PTPRO: variants seen among roughly 807,000 people sequenced by gnomAD.
PTPRO encodes the protein protein tyrosine phosphatase receptor type O.
PTPRO carries 62 observed loss-of-function variants against 145.2 expected under a neutral mutation model. The observed-to-expected ratio is 0.43, with a 90% CI of 0.35 to 0.53. PTPRO has a LOEUF of 0.53. PTPRO is among the 20% of genes least tolerant of loss of function. The pLI is 0.01. For synonymous variants in PTPRO, 565 were observed against 514.7 expected (o/e 1.10, Z -1.32); for missense variants, 1,345 against 1,482.7 (o/e 0.91, Z 1.53).
chr12:15,394,813 T>G (rs1055381554), intron 1 of PTPRO, among the ~76,000 whole-genome samples: 1 of 152,182 alleles, frequency 6.6e-6, no homozygotes, highest in African/African-American at 2.4e-5. Flanking sequence ...TATATTTAGG[T>G]ACCTAGGGAA....
At chr12:15,428,179 T>C (rs1036674966) in intron 1 of PTPRO, among the ~76,000 whole-genome samples, 1 of 152,126 alleles carries the variant, frequency 6.6e-6, no homozygotes, top group African/African-American at 2.4e-5. Flanking sequence ...TTTAAGTGCT[T>C]TGGCAAAGGA....
chr12:15,502,058 G>A lies in PTPRO; in HGVS notation c.1100G>A (p.Arg367Gln), dbSNP rs1396548432. The change falls in exon 5 of 27, where the codon CGA (arginine) becomes CAA (glutamine). Residue 367 changes from arginine to glutamine, a missense_variant. Physicochemically the swap from Arg to Gln is conservative, Grantham distance 43 (BLOSUM62 1). Around this residue, in one of 3 missense-constraint regions of PTPRO, gnomAD observed 1,130 missense variants for 1,214.7 expected, o/e 0.93. Transcript: ENST00000281171. ...GATGGGTTCCATATCCATATTGAAC[G>A]AGAAGGTAAAGCAGTAGGAAATCAG... is the stretch of plus-strand genomic sequence containing the variant. ...AFDGFHIHIE[R>Q]EENFTEYLMV... The A allele has an allele frequency of 1.9e-6, 3 of 1,608,374 alleles. No individual in the cohort carries two copies. Among genetic ancestry groups the A allele is most frequent in the South Asian group, 1.1e-5 (1 of 90,902 alleles).
At chr12:15,449,854 A>T (rs547835303) in intron 1 of PTPRO, among the ~76,000 whole-genome samples, 95 of 152,324 alleles carry the variant, frequency 6.2e-4, no homozygotes, top group Non-Finnish European at 1.2e-3. Flanking sequence ...GTCTAAAATT[A>T]TCCTAAAATA....
chr12:15,326,712 T>C (rs920008088), intron 1 of PTPRO, among the ~76,000 whole-genome samples: 28 of 152,228 alleles, frequency 1.8e-4, no homozygotes, highest in Admixed American at 9.2e-4. Context: ...ATACAGTTGA[T>C]GCACTTAAGT....
chr12:15,432,295 C>CCTCCAG (rs1353477479), intron 1 of PTPRO, among the ~76,000 whole-genome samples: 7 of 152,278 alleles, frequency 4.6e-5, no homozygotes, highest in Non-Finnish European at 8.8e-5. Flanking sequence ...AGGATAATGG[C>CCTCCAG]CTCCAGCTCC....
chr12:15,462,977 G>A (rs1401996946), intron 1 of PTPRO, among the ~76,000 whole-genome samples: 1 of 151,946 alleles, frequency 6.6e-6, no homozygotes, highest in East Asian at 1.9e-4. Flanking sequence ...GAATCATATT[G>A]TTATATACTA....
At chr12:15,409,065 AATT>A (rs1939724126) in intron 1 of PTPRO, among the ~76,000 whole-genome samples, 1 of 151,952 alleles carries the variant, frequency 6.6e-6, no homozygotes, top group African/African-American at 2.4e-5. Context: ...ATTATCCTAT[AATT>A]ATTATGTTTA....
At chr12:15,587,512 A>G (rs1209854231) in intron 24 of PTPRO, among the ~76,000 whole-genome samples, 2 of 152,240 alleles carry the variant, frequency 1.3e-5, no homozygotes, top group African/African-American at 4.8e-5. Flanking sequence ...AAACTAGAAA[A>G]GGAAAAGAAA....
rs1159563571 is a variant in PTPRO at position 15,322,772 on chromosome 12, C to T, written c.46C>T (p.Pro16Ser). 8.1e-6 allele frequency: 13 copies of T among 1,612,838 alleles called. No homozygotes were observed. The highest frequency in any genetic ancestry group is 4.5e-5 in the East Asian group (2 of 44,856). Residue 16 changes from proline to serine, a missense_variant, in exon 1 of 27, where the codon CCT (proline) becomes TCT (serine). Physicochemically the swap from Pro to Ser is moderately conservative, Grantham distance 74. Around this residue, in one of 3 missense-constraint regions of PTPRO, gnomAD observed 1,130 missense variants for 1,214.7 expected, o/e 0.93. Coordinates refer to ENST00000281171, the MANE Select transcript of PTPRO (RefSeq NM_030667.3). The surrounding 1 kb of genome is among the most constrained non-coding windows in gnomAD (Gnocchi z 6.3). ...TGIHGARRLL[P>S]LLWLFVLFKN... ...GATACACGGCGCCCGCCGCCTCCTG[C>T]CTCTGCTCTGGCTCTTTGTGCTGTT...
chr12:15,562,747 T>C (rs975166664), intron 17 of PTPRO, among the ~76,000 whole-genome samples: 1 of 151,760 alleles, frequency 6.6e-6, no homozygotes, highest in African/African-American at 2.4e-5. Context: ...AAATCTTTTT[T>C]TTTTTTTTTA....
intron 1 of PTPRO, among the ~76,000 whole-genome samples, chr12:15,371,351 C>T (rs1000190861): frequency 1.3e-5 from 2 of 151,944 alleles, no homozygotes; most frequent in African/African-American, 4.8e-5. Context: ...TCTGCTTCAG[C>T]CTCCTGAGTA....
intron 16 of PTPRO, 75 bp downstream of exon 16, chr12:15,557,598 C>CCCAAAGGATAGTAAAA: frequency 7.5e-7 from 1 of 1,340,258 alleles, no homozygotes; most frequent in Non-Finnish European, 1.1e-6. Context: ...TTTTACTATC[C>CCCAAAGGATAGTAAAA]TTTGGGGATA....
chr12:15,501,421 A>T (rs536154987), intron 4 of PTPRO, among the ~76,000 whole-genome samples, 199 bp from the exon 5 acceptor site: 5 of 152,340 alleles, frequency 3.3e-5, no homozygotes, highest in African/African-American at 1.2e-4. Context: ...GTTGATAGGT[A>T]TACATCATCC....
intron 1 of PTPRO, among the ~76,000 whole-genome samples, chr12:15,372,045 C>G (rs1938546702): frequency 6.6e-6 from 1 of 152,130 alleles, no homozygotes; most frequent in Non-Finnish European, 1.5e-5. Flanking sequence ...AACTAATACA[C>G]TTATATTTTG....
At chr12:15,348,802 T>C (rs1029461382) in intron 1 of PTPRO, 1 of 151,706 alleles carries the variant, frequency 6.6e-6, no homozygotes, top group African/African-American at 2.4e-5. Flanking sequence ...AAAAAAAAAT[T>C]ATAGAGCCCC....
intron 1 of PTPRO, among the ~76,000 whole-genome samples, chr12:15,408,723 C>G (rs532733225): frequency 8.5e-5 from 13 of 152,272 alleles, no homozygotes; most frequent in Admixed American, 4.6e-4. Context: ...CCACCGTGCC[C>G]TGCCAGAAGT....
intron 1 of PTPRO, among the ~76,000 whole-genome samples, chr12:15,342,095 G>A (rs982302381): frequency 5.3e-5 from 8 of 152,200 alleles, no homozygotes; most frequent in South Asian, 2.1e-4. Context: ...AGTGTGTTTC[G>A]TGGAAGCCTT....
rs757707341 is a variant in PTPRO, at chr12:15,549,165, T to C, written c.2376T>C (p.Ser792=). ...SLLPATAYNC[S]VTSFSHDSPS... ...TTCCTGCCACTGCCTACAATTGTAG[T>C]GTCACCAGCTTTAGCCATGACAGCC... The change falls in exon 14 of 27, where the codon AGT becomes AGC. Residue 792 remains serine (S), a synonymous_variant. Transcript: ENST00000281171. 5 of 1,612,074 alleles carry C rather than the reference T, an allele frequency of 3.1e-6. No homozygotes were observed. Among genetic ancestry groups the C allele is most frequent in the Non-Finnish European group, 3.4e-6 (4 of 1,179,588 alleles).
intron 19 of PTPRO, among the ~76,000 whole-genome samples, chr12:15,571,052 A>C (rs1944033956): frequency 1.3e-5 from 2 of 152,216 alleles, no homozygotes; most frequent in Non-Finnish European, 2.9e-5. Context: ...AAGGATACTA[A>C]GGTATCTCAT....
Sources: gnomAD v4.1 joint callset for allele counts (sites outside exome capture counted in the v4.1 genomes callset) on GRCh38, gnomAD v4.1.1 for gene constraint, gnomAD v4.1.1 regional missense constraint, Gnocchi (gnomAD v3.1) non-coding constraint, MANE v1.5 for transcripts, NCBI Gene and HGNC (gene_info 2026-07-23, HGNC 2026-07-21) for gene names.